Variants in NRIP1 observed in about 807,000 individuals in gnomAD.
NRIP1 encodes nuclear receptor interacting protein 1, also known as nuclear receptor-interacting protein 1.
A neutral mutation model predicts 75.0 loss-of-function variants in NRIP1; 28 were observed. That is an observed-to-expected ratio of 0.37 (90% CI 0.28 to 0.51). The LOEUF is 0.51. NRIP1 is among the 20% of genes least tolerant of loss of function. NRIP1 has a pLI of 0.92. For missense variants in NRIP1, 1,435 were observed against 1,343.7 expected, an observed-to-expected ratio of 1.07 and a Z score of -1.06; for synonymous variants, 526 against 487.6, an observed-to-expected ratio of 1.08 and a Z score of -1.04.
chr21:15,000,513 G>A (rs1229100935), intron 3 of NRIP1, among the ~76,000 whole-genome samples: 1 of 152,034 alleles, frequency 6.6e-6, no homozygotes, highest in African/African-American at 2.4e-5. Flanking sequence ...TCTCTACTTG[G>A]TAACCTATTT....
rs776413369 is a variant in NRIP1, at chr21:14,965,246, C to T, written c.2947G>A (p.Gly983Arg). The T allele has an allele frequency of 6.2e-7, 1 of 1,613,904 alleles. No homozygotes were observed. The highest frequency in any genetic ancestry group is 1.1e-5 in the South Asian group (1 of 91,068). ...GGCTGAGTGGAACTGTACATCAGTCCATTTAAAGAAGAAATGCTAAATTCA... is the reference window on the plus strand; with the variant it reads ...GGCTGAGTGGAACTGTACATCAGTCTATTTAAAGAAGAAATGCTAAATTCA... ...KPEFSISSLNGLMYSSTQPSS... is the reference protein window; with the variant it reads ...KPEFSISSLNRLMYSSTQPSS... The change falls in exon 4 of 4, where the codon GGA (glycine) becomes AGA (arginine). Residue 983 changes from glycine (G) to arginine (R), a missense_variant. Transcript: ENST00000318948.
intron 1 of NRIP1, among the ~76,000 whole-genome samples, chr21:15,053,743 T>C (rs1034985541): frequency 6.6e-6 from 1 of 152,194 alleles, no homozygotes; most frequent in Non-Finnish European, 1.5e-5. Context: ...AGCTTGTTCC[T>C]TTTTGCTATG....
chr21:14,999,762 C>T (rs2087810328), intron 3 of NRIP1, among the ~76,000 whole-genome samples: 1 of 152,176 alleles, frequency 6.6e-6, no homozygotes, highest in Non-Finnish European at 1.5e-5. Flanking sequence ...ACTGCATGCT[C>T]ATTTACTGAA....
intron 3 of NRIP1, among the ~76,000 whole-genome samples, chr21:14,982,990 C>T (rs1293121134): frequency 6.6e-6 from 1 of 152,114 alleles, no homozygotes; most frequent in Non-Finnish European, 1.5e-5. Context: ...CACCACTTAG[C>T]TGTTCCCATC....
intron 2 of NRIP1, among the ~76,000 whole-genome samples, chr21:15,029,908 T>C (rs1383665414): frequency 1.3e-5 from 2 of 152,196 alleles, no homozygotes; most frequent in Non-Finnish European, 2.9e-5. Flanking sequence ...AAAACTCATA[T>C]CCTCACCAGC....
chr21:15,060,696 A>G (rs1355446544), intron 1 of NRIP1, among the ~76,000 whole-genome samples: 1 of 152,180 alleles, frequency 6.6e-6, no homozygotes, highest in Admixed American at 6.5e-5. Flanking sequence ...AAGTGTGAAC[A>G]TGCACAAAAG....
intron 3 of NRIP1, among the ~76,000 whole-genome samples, chr21:15,006,692 A>T (rs536574308): frequency 9.9e-5 from 15 of 152,246 alleles, no homozygotes; most frequent in Non-Finnish European, 2.1e-4. Context: ...AACTTGGGTG[A>T]TAACCACACT....
intron 3 of NRIP1, among the ~76,000 whole-genome samples, chr21:15,011,123 G>A (rs2088090289): frequency 6.6e-6 from 1 of 152,254 alleles, no homozygotes; most frequent in Admixed American, 6.5e-5. Flanking sequence ...AGTGTTTTAT[G>A]AAGTTGGACA....
At chr21:14,972,868 C>A (rs966054606) in intron 3 of NRIP1, among the ~76,000 whole-genome samples, 1 of 152,196 alleles carries the variant, frequency 6.6e-6, no homozygotes, top group Non-Finnish European at 1.5e-5. Context: ...AATGCTGCCA[C>A]CGATGTGACA....
intron 1 of NRIP1, among the ~76,000 whole-genome samples, chr21:15,055,751 C>G (rs1424542402): frequency 3.3e-5 from 5 of 152,140 alleles, no homozygotes; most frequent in Admixed American, 6.5e-5. Context: ...ACTGACCATC[C>G]TAGGTCTACC....
Position 14,966,881 on chromosome 21 carries a change from A to G in NRIP1, c.1312T>C (p.Cys438Arg). ...SSGDESSYSN[C>R]VPIDLSCKHR... ...TTGCAAGACAAGTCTATGGGAACAC[A>G]GTTGGAATAAGAACTTTCATCACCA... is the stretch of plus-strand genomic sequence containing the variant. The change falls in exon 4 of 4, where the codon TGT becomes CGT. Residue 438 changes from cysteine (C) to arginine (R), a missense_variant. Cys to Arg is a radical substitution (Grantham distance 180). Transcript: ENST00000318948. The G allele has an allele frequency of 6.2e-7, 1 of 1,614,134 alleles. No homozygotes were observed. Among genetic ancestry groups the G allele is most frequent in the African/African-American group, 1.3e-5 (1 of 75,054 alleles).
intron 2 of NRIP1, among the ~76,000 whole-genome samples, chr21:15,030,333 T>C (rs530279703): frequency 6.6e-6 from 1 of 152,350 alleles, no homozygotes; most frequent in Admixed American, 6.5e-5. Flanking sequence ...ACTTATATTT[T>C]TATTAACACA....
At chr21:14,989,840 G>A (rs111433331) in intron 3 of NRIP1, among the ~76,000 whole-genome samples, 141 of 151,736 alleles carry the variant, frequency 9.3e-4, no homozygotes, top group African/African-American at 3.3e-3. Context: ...CAAGAAACAC[G>A]TTTCATATTC....
At chr21:15,001,561 A>G (rs1490987175) in intron 3 of NRIP1, among the ~76,000 whole-genome samples, 1 of 151,748 alleles carries the variant, frequency 6.6e-6, no homozygotes, top group Non-Finnish European at 1.5e-5. Flanking sequence ...CAATCACAGA[A>G]TTAAAAAAAA....
intron 1 of NRIP1, among the ~76,000 whole-genome samples, chr21:15,059,861 A>C (rs1048712160): frequency 7.2e-5 from 11 of 152,144 alleles, no homozygotes; most frequent in Non-Finnish European, 2.9e-5. Flanking sequence ...CTACTTTTAG[A>C]GTTCTAGGCT....
At chr21:15,030,313 G>A (rs1392826766) in intron 2 of NRIP1, among the ~76,000 whole-genome samples, 1 of 152,146 alleles carries the variant, frequency 6.6e-6, no homozygotes, top group Non-Finnish European at 1.5e-5. Context: ...TTGTAGTAAG[G>A]CCTTCTATTA....
In NRIP1 at chr21:14,965,775, A is replaced by C. The variant is rs762306927; in HGVS notation, c.2418T>G (p.Val806=). 1.9e-6 allele frequency: 3 copies of C among 1,614,044 alleles called. No homozygotes were observed. The highest frequency in any genetic ancestry group is 2.5e-6 in the Non-Finnish European group (3 of 1,179,964). ...TGGAGAAAGAAAAATCCTGAGGTGA[A>C]ACAGGCTCCGATTTAAAGTCTTCGG... ...PVSEDFKSEP[V]SPQDFSFSKN... The change falls in exon 4 of 4, where the codon GTT becomes GTG. Residue 806 remains valine (V), a synonymous_variant. Coordinates refer to ENST00000318948, the MANE Select transcript of NRIP1 (RefSeq NM_003489.4).
Position 14,966,937 on chromosome 21 carries a change from T to C in NRIP1, c.1256A>G (p.Asp419Gly). The stretch of plus-strand genomic sequence containing the variant: ...GTCATCTGTAAAACTAGGATTGTTA[T>C]CTGAATATTCATCAATAGTTGTAGG... The part of the protein sequence containing the change: ...STPTTIDEYS[D>G]NNPSFTDDSS... The change falls in exon 4 of 4, where the codon GAT becomes GGT. Residue 419 changes from aspartate (D) to glycine (G), a missense_variant. Asp to Gly is a moderately conservative substitution (Grantham distance 94). Transcript: ENST00000318948. 1 of 1,614,168 alleles carries C rather than the reference T, an allele frequency of 6.2e-7. No homozygotes were observed. The highest frequency in any genetic ancestry group is 8.5e-7 in the Non-Finnish European group (1 of 1,180,018).
chr21:14,989,214 A>G (rs773312726), intron 3 of NRIP1, among the ~76,000 whole-genome samples: 1 of 152,116 alleles, frequency 6.6e-6, no homozygotes, highest in African/African-American at 2.4e-5. Context: ...CACTTTTCCT[A>G]TGGTGCCTTT....
Sources: allele counts gnomAD v4.1 joint callset (sites outside exome capture counted in the v4.1 genomes callset), GRCh38; gene constraint gnomAD v4.1.1; transcripts MANE v1.5; gene names NCBI Gene and HGNC (gene_info 2026-07-23, HGNC 2026-07-21).